The following UTRN variants were observed in gnomAD, a reference collection of about 807,000 sequenced individuals.
UTRN encodes utrophin.
In UTRN, 283 loss-of-function variants were observed where a neutral mutation model predicts 463.9. The ratio of observed to expected loss-of-function variants is 0.61; its 90% CI spans 0.55 to 0.67. The LOEUF (loss-of-function observed/expected upper bound fraction) is 0.67, where lower values mean the gene tolerates loss of function less well. Among genes scored for constraint, UTRN ranks in the 30% least tolerant of loss-of-function variants. The probability of loss-of-function intolerance (pLI) is 0.00; values close to 1 mark genes in which losing one functional copy is unlikely to be tolerated. For missense variants in UTRN, 3,922 were observed against 4,084.3 expected (o/e 0.96, Z 1.08); for synonymous variants, 1,442 against 1,431.5 (o/e 1.01, Z -0.17).
intron 66 of UTRN, among the ~76,000 whole-genome samples, chr6:144,822,599 AAGAG>A (rs1218663034): frequency 3.9e-5 from 6 of 152,250 alleles, no homozygotes; most frequent in African/African-American, 1.4e-4. Flanking sequence ...TTTCAATTGA[AAGAG>A]AGCTGTTCGA....
At chr6:144,562,495 G>C (rs1429841829) in intron 50 of UTRN, among the ~76,000 whole-genome samples, 2 of 152,020 alleles carry the variant, frequency 1.3e-5, no homozygotes, top group Non-Finnish European at 2.9e-5. Flanking sequence ...GTGGATAATG[G>C]CTTCCAGTTC....
At chr6:144,705,478 GC>G (rs1179126884) in intron 53 of UTRN, among the ~76,000 whole-genome samples, 1 of 152,168 alleles carries the variant, frequency 6.6e-6, no homozygotes, top group Admixed American at 6.5e-5. Flanking sequence ...TTTGGTGTCT[GC>G]CAAGGGCCCA....
chr6:144,850,848 A>G (rs1226299614), intron 74 of UTRN, 141 bp from the exon 75 acceptor site: 2 of 1,052,580 alleles, frequency 1.9e-6, no homozygotes, highest in Non-Finnish European at 2.9e-6. Flanking sequence ...AGAGGGAGGG[A>G]CCTCATTGCA....
chr6:144,294,426 G>A (rs1453124299), intron 2 of UTRN, among the ~76,000 whole-genome samples: 1 of 152,140 alleles, frequency 6.6e-6, no homozygotes, highest in Non-Finnish European at 1.5e-5. Flanking sequence ...TATTTTAAGA[G>A]ATTTTTAGTT....
At chr6:144,789,344 G>T in intron 62 of UTRN, 65 bp downstream of exon 62, 1 of 1,325,728 alleles carries the variant, frequency 7.5e-7, no homozygotes, top group South Asian at 1.4e-5. Flanking sequence ...ACAATTTATT[G>T]GAAACTTAAA....
At chr6:144,316,196 A>G (rs2502634) in intron 2 of UTRN, among the ~76,000 whole-genome samples, 13,960 of 152,240 alleles carry the variant, frequency 0.092, 623 homozygotes, top group African/African-American at 0.11. Flanking sequence ...CAAGAAAACA[A>G]AAAAAGTCTC....
At chr6:144,427,970 T>C (rs1218581193) in intron 7 of UTRN, among the ~76,000 whole-genome samples, 1 of 152,024 alleles carries the variant, frequency 6.6e-6, no homozygotes, top group Non-Finnish European at 1.5e-5. Flanking sequence ...GAGGAGGCAC[T>C]TGGCATCGGA....
At chr6:144,300,971 T>C (rs1235838811) in intron 2 of UTRN, among the ~76,000 whole-genome samples, 1 of 152,218 alleles carries the variant, frequency 6.6e-6, no homozygotes, top group African/African-American at 2.4e-5. Context: ...AAATTTAAAA[T>C]GTAAATATTG....
Position 144,446,096 on chromosome 6 carries a change from G to T in UTRN, c.1615-1115G>T, listed in dbSNP as rs547066337. 3.3e-5 allele frequency among the ~76,000 whole-genome samples: 5 copies of T among 152,212 alleles called. No homozygotes were observed. The South Asian group carries it at 8.3e-4, about 25-fold the overall frequency. On this transcript the variant is annotated intron_variant, in intron 14 of 74. Transcript: ENST00000367545. ...ACATCGATTGCTAGAGAAAACCATT[G>T]TGTTACTCTTCTATCCAGTAAAGTA...
chr6:144,834,171 TCC>T (rs1236962239), intron 69 of UTRN, among the ~76,000 whole-genome samples: 1 of 152,150 alleles, frequency 6.6e-6, no homozygotes, highest in Non-Finnish European at 1.5e-5. Context: ...GTTGTAAGGG[TCC>T]CACCCCATCC....
intron 2 of UTRN, among the ~76,000 whole-genome samples, chr6:144,340,325 G>A (rs1029049067): frequency 7.2e-5 from 11 of 152,186 alleles, no homozygotes; most frequent in African/African-American, 2.7e-4. Context: ...GTATTAGTTA[G>A]GACTGACAGT....
At chr6:144,554,538 A>G in intron 48 of UTRN, 150 bp from the exon 49 acceptor site, 2 of 759,442 alleles carry the variant, frequency 2.6e-6, no homozygotes, top group Non-Finnish European at 4.1e-6. Flanking sequence ...AGGATGGCAG[A>G]TGTATATTAA....
chr6:144,476,316 C>T (rs1203184439), intron 25 of UTRN, among the ~76,000 whole-genome samples: 1 of 151,704 alleles, frequency 6.6e-6, no homozygotes, highest in Non-Finnish European at 1.5e-5. Context: ...AGAAAGAATT[C>T]TTATAAGGTT....
chr6:144,553,357 T>C (rs1799092951), intron 48 of UTRN, among the ~76,000 whole-genome samples: 1 of 152,168 alleles, frequency 6.6e-6, no homozygotes, highest in Non-Finnish European at 1.5e-5. Flanking sequence ...CTTTTATGTT[T>C]CACTATAACC....
intron 61 of UTRN, among the ~76,000 whole-genome samples, chr6:144,788,384 T>C (rs1457262397): frequency 6.6e-6 from 1 of 152,110 alleles, no homozygotes; most frequent in Non-Finnish European, 1.5e-5. Flanking sequence ...AATTACCAAT[T>C]AGTATTCAGC....
rs562641319 is a variant in UTRN, at chr6:144,800,639, A to T, written c.9246-2397A>T. 1.5e-3 allele frequency among the ~76,000 whole-genome samples: 224 copies of T among 152,316 alleles called. 1 individual carries two copies. Among genetic ancestry groups the T allele is most frequent in the African/African-American group, 5.1e-3 (214 of 41,576 alleles). On this transcript the variant is annotated intron_variant, in intron 64 of 74. Coordinates refer to ENST00000367545, the MANE Select transcript of UTRN (RefSeq NM_007124.3). Reference sequence around the variant, plus strand: ...CTGAGTTTCTTCAACTTCAAATTCTATGAGTGTTTCCTCATAGGAATAGTT... The same window carrying T: ...CTGAGTTTCTTCAACTTCAAATTCTTTGAGTGTTTCCTCATAGGAATAGTT...
chr6:144,844,252 G>T (rs1303479340), intron 73 of UTRN, among the ~76,000 whole-genome samples: 4 of 151,610 alleles, frequency 2.6e-5, no homozygotes, highest in Non-Finnish European at 5.9e-5. Flanking sequence ...AGTGCCCAGT[G>T]CATGTGTCTT....
intron 10 of UTRN, 118 bp downstream of exon 10, chr6:144,436,256 T>A: frequency 9.4e-7 from 1 of 1,064,504 alleles, no homozygotes; most frequent in Non-Finnish European, 1.3e-6. Flanking sequence ...GGTCAATGGT[T>A]TATTTCAGGA....
At chr6:144,474,841 C>T (rs182755006) in intron 25 of UTRN, 82 bp downstream of exon 25, 28 of 1,470,598 alleles carry the variant, frequency 1.9e-5, no homozygotes, top group African/African-American at 4.3e-5. Context: ...GTATTATGAC[C>T]CATCCAGTTT....
Sources: gnomAD v4.1 joint callset for allele counts (sites outside exome capture counted in the v4.1 genomes callset) on GRCh38, gnomAD v4.1.1 for gene constraint, MANE v1.5 for transcripts, NCBI Gene and HGNC (gene_info 2026-07-23, HGNC 2026-07-21) for gene names.